NOS1AP: variants seen among roughly 807,000 people sequenced by gnomAD.
NOS1AP encodes the protein carboxyl-terminal PDZ ligand of neuronal nitric oxide synthase protein.
A neutral mutation model predicts 56.2 loss-of-function variants in NOS1AP; 21 were observed. The observed-to-expected ratio is 0.37, with a 90% CI of 0.26 to 0.54. The LOEUF is 0.54. Ranked by LOEUF, NOS1AP falls within the 20% of genes least tolerant of loss-of-function variation. The pLI, the probability that NOS1AP is intolerant of heterozygous loss-of-function variation, is 0.84. For synonymous variants in NOS1AP, 270 were observed against 274.6 expected (o/e 0.98, Z 0.17); for missense variants, 522 against 657.8 (o/e 0.79, Z 2.26).
At chr1:162,115,425 T>C (rs1216997813) in intron 1 of NOS1AP, among the ~76,000 whole-genome samples, 1 of 151,668 alleles carries the variant, frequency 6.6e-6, no homozygotes, top group Non-Finnish European at 1.5e-5. Flanking sequence ...AAGGTAAGAA[T>C]CTGTGATGTT....
intron 1 of NOS1AP, among the ~76,000 whole-genome samples, chr1:162,078,719 T>A (rs1691826108): frequency 6.6e-6 from 1 of 152,172 alleles, no homozygotes; most frequent in Non-Finnish European, 1.5e-5. Flanking sequence ...AGAACCAAAA[T>A]TCTTAGTATG....
intron 4 of NOS1AP, among the ~76,000 whole-genome samples, chr1:162,302,770 TG>T (rs1265934140): frequency 1.2e-4 from 18 of 152,306 alleles, no homozygotes; most frequent in South Asian, 6.2e-4. Flanking sequence ...AAAGTTTCCT[TG>T]TGCTTTTTGT....
intron 1 of NOS1AP, among the ~76,000 whole-genome samples, chr1:162,119,760 T>A (rs896939305): frequency 6.6e-6 from 1 of 152,180 alleles, no homozygotes; most frequent in Non-Finnish European, 1.5e-5. Context: ...CTCTCTTGTC[T>A]TTGTGAGGTA....
intron 2 of NOS1AP, among the ~76,000 whole-genome samples, chr1:162,217,291 T>G (rs1652609516): frequency 6.7e-6 from 1 of 148,378 alleles, no homozygotes; most frequent in Non-Finnish European, 1.5e-5. Flanking sequence ...TGAGATGAAG[T>G]CTCACTCTAT....
chr1:162,253,072 G>A (rs1194714656), intron 2 of NOS1AP, among the ~76,000 whole-genome samples: 2 of 152,180 alleles, frequency 1.3e-5, no homozygotes, highest in African/African-American at 2.4e-5. Flanking sequence ...ATATTAAGAG[G>A]TGAGACCTTT....
At chr1:162,112,277 A>G (rs1647740612) in intron 1 of NOS1AP, among the ~76,000 whole-genome samples, 1 of 152,226 alleles carries the variant, frequency 6.6e-6, no homozygotes, top group Non-Finnish European at 1.5e-5. Context: ...GGCCAACAAA[A>G]GTACCATATA....
At chr1:162,336,072 T>G (rs996770377) in intron 5 of NOS1AP, among the ~76,000 whole-genome samples, 1 of 152,198 alleles carries the variant, frequency 6.6e-6, no homozygotes, top group Non-Finnish European at 1.5e-5. Context: ...ATTGCAGGAA[T>G]ATAACATGGT....
At chr1:162,207,437 G>A (rs1387320626) in intron 2 of NOS1AP, among the ~76,000 whole-genome samples, 2 of 152,212 alleles carry the variant, frequency 1.3e-5, no homozygotes, top group African/African-American at 2.4e-5. Context: ...AGGTTAGTGT[G>A]GGAACAGCAG....
chr1:162,139,432 C>T (rs1649140133), intron 1 of NOS1AP, among the ~76,000 whole-genome samples: 2 of 152,200 alleles, frequency 1.3e-5, no homozygotes, highest in African/African-American at 4.8e-5. Flanking sequence ...TGGGAAAGGA[C>T]TGATGACAGG....
At chr1:162,253,352 G>T (rs950382582) in intron 2 of NOS1AP, among the ~76,000 whole-genome samples, 1 of 152,162 alleles carries the variant, frequency 6.6e-6, no homozygotes, top group African/African-American at 2.4e-5. Flanking sequence ...TGTTATAGGT[G>T]CAAAATGAAC....
intron 2 of NOS1AP, among the ~76,000 whole-genome samples, chr1:162,272,668 G>A (rs1654619579): frequency 6.6e-6 from 1 of 152,124 alleles, no homozygotes; most frequent in South Asian, 2.1e-4. Flanking sequence ...TTTTGTCTGA[G>A]TCCCATATAT....
intron 1 of NOS1AP, among the ~76,000 whole-genome samples, chr1:162,116,896 A>G (rs1423846475): frequency 6.6e-6 from 1 of 152,122 alleles, no homozygotes; most frequent in Admixed American, 6.5e-5. Flanking sequence ...ATATTCTTTG[A>G]TGTTGCTACA....
At chr1:162,151,548 G>A (rs1169545169) in intron 1 of NOS1AP, among the ~76,000 whole-genome samples, 9 of 152,100 alleles carry the variant, frequency 5.9e-5, no homozygotes, top group Admixed American at 5.9e-4. Context: ...CTATTTTTGT[G>A]GAGGATGTCA....
At chr1:162,209,375 G>GGTGT in intron 2 of NOS1AP, among the ~76,000 whole-genome samples, 1 of 152,236 alleles carries the variant, frequency 6.6e-6, no homozygotes, top group African/African-American at 2.4e-5. Context: ...AATGCATGTA[G>GGTGT]ATAGAAGGGC....
At chr1:162,264,465 C>CTTCTCTTCTCTTCTCTTCTCTT (rs1189328918) in intron 2 of NOS1AP, among the ~76,000 whole-genome samples, 59 of 29,612 alleles carry the variant, frequency 2.0e-3, no homozygotes, top group African/African-American at 5.9e-3. Flanking sequence ...CTTCTCTTCT[C>CTTCTCTTCTCTTCTCTTCTCTT]CTCCCCTCCC....
chr1:162,071,374 A>G (rs1415261), intron 1 of NOS1AP, among the ~76,000 whole-genome samples: 18,585 of 152,198 alleles, frequency 0.12, 2,631 homozygotes, highest in African/African-American at 0.34. Context: ...TCACGAAAGG[A>G]TTATTCCATC....
intron 3 of NOS1AP, among the ~76,000 whole-genome samples, chr1:162,290,211 C>G (rs1278445953): frequency 2.6e-5 from 4 of 152,248 alleles, no homozygotes; most frequent in Non-Finnish European, 5.9e-5. Context: ...CTAGATCTAA[C>G]TCTTCTGATG....
chr1:162,332,742 G>A (rs981863874), intron 4 of NOS1AP, among the ~76,000 whole-genome samples: 1 of 152,210 alleles, frequency 6.6e-6, no homozygotes, highest in African/African-American at 2.4e-5. Context: ...TACAGGGACA[G>A]ATTTGCCACC....
intron 2 of NOS1AP, among the ~76,000 whole-genome samples, chr1:162,199,583 G>A (rs1466238545): frequency 2.7e-5 from 4 of 150,494 alleles, no homozygotes; most frequent in African/African-American, 9.8e-5. Flanking sequence ...CTGGACAACA[G>A]AGCATGGATT....
Sources: allele counts gnomAD v4.1 joint callset (sites outside exome capture counted in the v4.1 genomes callset), GRCh38; gene constraint gnomAD v4.1.1; transcripts MANE v1.5; gene names NCBI Gene and HGNC (gene_info 2026-07-23, HGNC 2026-07-21).